Variants in MCPH1 observed in about 807,000 individuals in gnomAD.
The protein encoded by MCPH1 is microcephalin.
Under a neutral mutation model 84.5 loss-of-function variants are expected in MCPH1, and 104 were observed. That is an observed-to-expected ratio of 1.23 (90% CI 1.05 to 1.45). The LOEUF is 1.45. Among genes scored for constraint, MCPH1 ranks in the 40% most tolerant of loss-of-function variants. The probability of loss-of-function intolerance (pLI) is 0.00; values close to 1 mark genes in which losing one functional copy is unlikely to be tolerated. For synonymous variants in MCPH1, 514 were observed against 366.8 expected, an observed-to-expected ratio of 1.40 and a Z score of -4.58; for missense variants, 1,498 against 1,005.7, an observed-to-expected ratio of 1.49 and a Z score of -6.62.
At chr8:6,407,074 C>A in intron 1 of MCPH1, 1 of 338,782 alleles carries the variant, frequency 3.0e-6, no homozygotes, top group Admixed American at 4.2e-5. Flanking sequence ...TCCCGCCTTT[C>A]CCCCTACCTG....
chr8:6,532,772 G>A (rs1015620337), intron 12 of MCPH1, among the ~76,000 whole-genome samples: 1 of 152,174 alleles, frequency 6.6e-6, no homozygotes, highest in African/African-American at 2.4e-5. Context: ...TGTCATGGCA[G>A]GCCACAGAGG....
chr8:6,610,623 C>T (rs1410824886), intron 12 of MCPH1, among the ~76,000 whole-genome samples: 1 of 152,062 alleles, frequency 6.6e-6, no homozygotes, highest in Non-Finnish European at 1.5e-5. Context: ...CTTTCTTTTC[C>T]CCCATGATGA....
At chr8:6,572,705 G>T (rs1223337933) in intron 12 of MCPH1, among the ~76,000 whole-genome samples, 2 of 152,162 alleles carry the variant, frequency 1.3e-5, no homozygotes, top group African/African-American at 4.8e-5. Context: ...AGAAAAAGAG[G>T]TCTGTACTGT....
At chr8:6,585,584 G>C (rs1452657065) in intron 12 of MCPH1, among the ~76,000 whole-genome samples, 1 of 152,208 alleles carries the variant, frequency 6.6e-6, no homozygotes, top group Non-Finnish European at 1.5e-5. Flanking sequence ...AGAGAATACT[G>C]TATTTGTTTT....
intron 12 of MCPH1, among the ~76,000 whole-genome samples, chr8:6,560,851 G>A (rs969286854): frequency 6.6e-6 from 1 of 152,238 alleles, no homozygotes. Flanking sequence ...TATACCTAAT[G>A]TAAGTTAATT....
At chr8:6,580,095 A>G (rs983678499) in intron 12 of MCPH1, among the ~76,000 whole-genome samples, 1 of 152,184 alleles carries the variant, frequency 6.6e-6, no homozygotes, top group African/African-American at 2.4e-5. Flanking sequence ...TAGAATCCAC[A>G]TGCGCTGGGA....
intron 12 of MCPH1, among the ~76,000 whole-genome samples, chr8:6,611,898 G>A (rs1037090489): frequency 1.1e-4 from 17 of 152,310 alleles, no homozygotes; most frequent in Non-Finnish European, 1.8e-4. Context: ...GATTACAGGC[G>A]TGAGCCACCG....
chr8:6,472,936 T>G (rs1807938188), intron 9 of MCPH1, among the ~76,000 whole-genome samples: 1 of 152,212 alleles, frequency 6.6e-6, no homozygotes, highest in Non-Finnish European at 1.5e-5. Flanking sequence ...GTTTTAAAAG[T>G]AAACAGAGAG....
chr8:6,560,865 C>G (rs774711205), intron 12 of MCPH1, among the ~76,000 whole-genome samples: 2 of 152,190 alleles, frequency 1.3e-5, no homozygotes, highest in African/African-American at 4.8e-5. Flanking sequence ...GTTAATTAAG[C>G]AAATACAATG....
At chr8:6,504,417 C>G (rs1247633207) in intron 12 of MCPH1, among the ~76,000 whole-genome samples, 1 of 151,424 alleles carries the variant, frequency 6.6e-6, no homozygotes, top group East Asian at 1.9e-4. Flanking sequence ...CCTCCCAGAA[C>G]ATGAATAATC....
chr8:6,514,746 C>T (rs780912588), intron 12 of MCPH1: 2 of 1,614,034 alleles, frequency 1.2e-6, no homozygotes, highest in Non-Finnish European at 1.7e-6. Context: ...TAATTGTCCA[C>T]CCGCCTCCTC....
intron 9 of MCPH1, among the ~76,000 whole-genome samples, chr8:6,468,040 C>T (rs983252132): frequency 3.3e-5 from 5 of 152,296 alleles, no homozygotes; most frequent in Middle Eastern, 3.4e-3. Flanking sequence ...TGGGGTTATA[C>T]TTAGAGTGGG....
At chr8:6,549,559 C>T (rs1035405216) in intron 12 of MCPH1, among the ~76,000 whole-genome samples, 1 of 151,410 alleles carries the variant, frequency 6.6e-6, no homozygotes, top group Non-Finnish European at 1.5e-5. Context: ...TGAGGAGGGG[C>T]GTGAGGGAGC....
intron 9 of MCPH1, among the ~76,000 whole-genome samples, chr8:6,455,899 A>C (rs1330264475): frequency 6.6e-6 from 1 of 152,192 alleles, no homozygotes; most frequent in African/African-American, 2.4e-5. Context: ...TCAGAATGGT[A>C]GGGAAAAACC....
At chr8:6,572,485 T>C (rs1240866258) in intron 12 of MCPH1, among the ~76,000 whole-genome samples, 1 of 152,228 alleles carries the variant, frequency 6.6e-6, no homozygotes, top group Non-Finnish European at 1.5e-5. Context: ...TGATAGGTAA[T>C]TTAGGACCTA....
intron 12 of MCPH1, among the ~76,000 whole-genome samples, chr8:6,585,611 T>C (rs910351206): frequency 6.6e-6 from 1 of 152,238 alleles, no homozygotes; most frequent in African/African-American, 2.4e-5. Flanking sequence ...TACTGAAATT[T>C]ATTTGTGACA....
chr8:6,595,946 C>T lies in MCPH1; in HGVS notation c.2215-25508C>T, dbSNP rs951436763. ...AAGACGATTAATCCCCAAAAAGGAG[C>T]CTGTGAGCGTCAGATGAAGAATTTA... On this transcript the variant is annotated intron_variant, in intron 12 of 13. Transcript: ENST00000344683. 4.6e-5 allele frequency among the ~76,000 whole-genome samples: 7 copies of T among 152,258 alleles called. No homozygotes were observed. In the East Asian group the frequency reaches 9.6e-4, roughly 21 times the overall value.
chr8:6,426,800 A>C (rs1182575972), intron 3 of MCPH1, among the ~76,000 whole-genome samples: 1 of 152,124 alleles, frequency 6.6e-6, no homozygotes, highest in African/African-American at 2.4e-5. Context: ...TAGCCATTCA[A>C]GCAGATGTGT....
chr8:6,438,125 AC>A (rs1163502063), intron 5 of MCPH1, among the ~76,000 whole-genome samples: 2 of 152,222 alleles, frequency 1.3e-5, no homozygotes, highest in Admixed American at 1.3e-4. Context: ...AATTCTTTAT[AC>A]TTTTGTCACT....
Sources: gnomAD v4.1 joint callset for allele counts (sites outside exome capture counted in the v4.1 genomes callset) on GRCh38, gnomAD v4.1.1 for gene constraint, MANE v1.5 for transcripts, NCBI Gene and HGNC (gene_info 2026-07-23, HGNC 2026-07-21) for gene names.